Variants in AKAP13 observed in about 807,000 individuals in gnomAD.
The protein encoded by AKAP13 is A-kinase anchoring protein 13, also known as A-kinase anchor protein 13.
In AKAP13, 80 loss-of-function variants were observed where a neutral mutation model predicts 264.5. The observed-to-expected ratio is 0.30, with a 90% CI of 0.25 to 0.36. The LOEUF (loss-of-function observed/expected upper bound fraction) is 0.36, where lower values mean the gene tolerates loss of function less well. AKAP13 is among the 10% of genes least tolerant of loss of function. The pLI is 1.00. For missense variants in AKAP13, 3,712 were observed against 3,435.2 expected (o/e 1.08, Z -2.01); for synonymous variants, 1,380 against 1,250.2 (o/e 1.10, Z -2.19).
chr15:85,631,552 A>T (rs539477888), intron 8 of AKAP13, among the ~76,000 whole-genome samples: 63 of 145,190 alleles, frequency 4.3e-4, no homozygotes, highest in African/African-American at 1.6e-3. Context: ...ACACACACAC[A>T]CTAAATGCAA....
intron 1 of AKAP13, among the ~76,000 whole-genome samples, chr15:85,434,701 G>T (rs1038804943): frequency 1.1e-4 from 17 of 152,292 alleles, no homozygotes; most frequent in Non-Finnish European, 1.6e-4. Flanking sequence ...GTACCCCCCA[G>T]CAGGGGCACA....
In AKAP13 at chr15:85,723,200, G is replaced by A; in HGVS notation, c.6625G>A (p.Asp2209Asn). The change falls in exon 26 of 37, where the codon GAT becomes AAT. Residue 2209 changes from aspartate (D) to asparagine (N), a missense_variant. Physicochemically the swap from Asp to Asn is conservative, Grantham distance 23. Coordinates refer to ENST00000394518, the MANE Select transcript of AKAP13 (RefSeq NM_007200.5). ...TCTCAATGAGATTTATACAAAGACA[G>A]ATAGCAAGTCAATCATGAGGATGAA... ...VRLNEIYTKT[D>N]SKSIMRMKSG... The A allele has an allele frequency of 6.2e-7, 1 of 1,614,214 alleles. No homozygotes were observed.
At chr15:85,600,068 C>T (rs1316017104) in intron 8 of AKAP13, among the ~76,000 whole-genome samples, 1 of 151,836 alleles carries the variant, frequency 6.6e-6, no homozygotes, top group Non-Finnish European at 1.5e-5. Context: ...GAGCTTGGAG[C>T]AGGAAGAAGG....
At chr15:85,651,133 C>A (rs895844187) in intron 10 of AKAP13, among the ~76,000 whole-genome samples, 2 of 152,098 alleles carry the variant, frequency 1.3e-5, no homozygotes, top group Admixed American at 1.3e-4. Context: ...AATGTTTATA[C>A]CTCTGTATAT....
intron 29 of AKAP13, among the ~76,000 whole-genome samples, chr15:85,729,362 G>C (rs942228831): frequency 6.6e-6 from 1 of 152,126 alleles, no homozygotes; most frequent in Admixed American, 6.5e-5. Context: ...TAAGGAGACA[G>C]AGTCTCTCAC....
At chr15:85,663,552 T>C (rs1265227199) in intron 12 of AKAP13, among the ~76,000 whole-genome samples, 1 of 152,276 alleles carries the variant, frequency 6.6e-6, no homozygotes, top group East Asian at 1.9e-4. Flanking sequence ...ATTGGAGCAA[T>C]TTTCTGTACA....
At chr15:85,417,400 G>A (rs1218783982) in intron 1 of AKAP13, among the ~76,000 whole-genome samples, 2 of 152,134 alleles carry the variant, frequency 1.3e-5, no homozygotes, top group Non-Finnish European at 2.9e-5. Flanking sequence ...AATCGAAATA[G>A]CGTATGAGCA....
At chr15:85,691,436 C>T (rs2151634305) in intron 16 of AKAP13, among the ~76,000 whole-genome samples, 1 of 152,290 alleles carries the variant, frequency 6.6e-6, no homozygotes, top group South Asian at 2.1e-4. Flanking sequence ...ATTAAGGACC[C>T]ACCACTCATC....
chr15:85,414,932 A>AC (rs1346408243), intron 1 of AKAP13, among the ~76,000 whole-genome samples: 1 of 138,214 alleles, frequency 7.2e-6, no homozygotes. Context: ...GTTATATGCA[A>AC]TTGGTGCTTT....
At chr15:85,550,570 CA>C (rs1260328896) in intron 5 of AKAP13, among the ~76,000 whole-genome samples, 11 of 152,306 alleles carry the variant, frequency 7.2e-5, no homozygotes, top group African/African-American at 2.6e-4. Context: ...GATGTTCTGC[CA>C]ACATAGTAAT....
At chr15:85,409,626 G>GT (rs1333608342) in intron 1 of AKAP13, among the ~76,000 whole-genome samples, 13,436 of 129,914 alleles carry the variant, frequency 0.1, 992 homozygotes, top group East Asian at 0.29. Context: ...GCTAGTAGTA[G>GT]TTTTTTTTTT....
chr15:85,586,966 A>AT lies in AKAP13; in HGVS notation c.4161+1153dup, dbSNP rs912316984. On this transcript the variant is annotated intron_variant, in intron 8 of 36. Coordinates refer to ENST00000394518, the MANE Select transcript of AKAP13 (RefSeq NM_007200.5). ...TAAGAGAATAAAAGGTTCAATCAACATTTTTTTTTTGTTTTAAGAATAGTT... is the reference window on the plus strand; with the variant it reads ...TAAGAGAATAAAAGGTTCAATCAACATTTTTTTTTTTGTTTTAAGAATAGTT... Among the ~76,000 whole-genome samples the AT allele has an allele frequency of 1.3e-3, 193 of 149,188 alleles. 1 individual carries two copies. Among genetic ancestry groups the AT allele is most frequent in the African/African-American group, 3.5e-3 (143 of 40,686 alleles).
intron 1 of AKAP13, 70 bp from the exon 2 acceptor site, chr15:85,485,640 C>T: frequency 7.2e-7 from 1 of 1,390,954 alleles, no homozygotes. Flanking sequence ...ACACCTAGGA[C>T]TTTAGGTGGC....
At chr15:85,582,769 C>T (rs1047506025) in intron 7 of AKAP13, 7 of 584,828 alleles carry the variant, frequency 1.2e-5, no homozygotes, top group African/African-American at 2.0e-5. Context: ...TTTTGGGCAG[C>T]AGTCTGAGAA....
Position 85,724,155 on chromosome 15 carries a change from G to T in AKAP13, c.6745+835G>T, listed in dbSNP as rs527695520. ...GGCATAGAAAGAAGGTGGAGGAAAT[G>T]GGTGCTGCTTTCATTTCTGAGGTAT... On this transcript the variant is annotated intron_variant, in intron 26 of 36. Transcript: ENST00000394518. This position sits in a 1 kb window ranked among gnomAD's most constrained non-coding sequence, Gnocchi z 4.2. Among the ~76,000 whole-genome samples, 32 of 152,280 alleles carry T rather than the reference G, an allele frequency of 2.1e-4. No individual in the cohort carries two copies. The highest frequency in any genetic ancestry group is 1.8e-3 in the Admixed American group (27 of 15,302).
intron 9 of AKAP13, among the ~76,000 whole-genome samples, chr15:85,643,037 C>G (rs1350881336): frequency 6.6e-6 from 1 of 150,936 alleles, no homozygotes; most frequent in African/African-American, 2.4e-5. Flanking sequence ...AAAAAACCTC[C>G]AGAATACCCA....
At chr15:85,551,802 T>C (rs1312406089) in intron 5 of AKAP13, among the ~76,000 whole-genome samples, 1 of 152,226 alleles carries the variant, frequency 6.6e-6, no homozygotes, top group African/African-American at 2.4e-5. Context: ...ACCTGGAGTA[T>C]AGGGCTTGAT....
intron 9 of AKAP13, among the ~76,000 whole-genome samples, chr15:85,640,851 T>A: frequency 6.6e-6 from 1 of 152,336 alleles, no homozygotes; most frequent in East Asian, 1.9e-4. Flanking sequence ...TAGTTTAATT[T>A]CTATATTTAG....
chr15:85,448,593 G>A (rs2073977578), intron 1 of AKAP13, among the ~76,000 whole-genome samples: 1 of 152,142 alleles, frequency 6.6e-6, no homozygotes, highest in African/African-American at 2.4e-5. Context: ...TGGTTAGCCT[G>A]TTATCCCAGC....
Sources: allele counts gnomAD v4.1 joint callset (sites outside exome capture counted in the v4.1 genomes callset), GRCh38; gene constraint gnomAD v4.1.1; non-coding constraint Gnocchi (gnomAD v3.1); transcripts MANE v1.5; gene names NCBI Gene and HGNC (gene_info 2026-07-23, HGNC 2026-07-21).